Variants in BBOX1 observed in about 807,000 individuals in gnomAD.
BBOX1 encodes gamma-butyrobetaine dioxygenase.
A neutral mutation model predicts 41.6 loss-of-function variants in BBOX1; 35 were observed. The observed-to-expected ratio is 0.84, with a 90% CI of 0.64 to 1.11. BBOX1 has a LOEUF of 1.11. BBOX1 is among the 50% of genes most tolerant of loss of function. The pLI is 0.00. For synonymous variants in BBOX1, 163 were observed against 154.7 expected, an observed-to-expected ratio of 1.05 and a Z score of -0.40; for missense variants, 458 against 460.6, an observed-to-expected ratio of 0.99 and a Z score of 0.05.
intron 4 of BBOX1, among the ~76,000 whole-genome samples, chr11:27,069,285 G>A (rs1455529586): frequency 6.6e-6 from 1 of 152,106 alleles, no homozygotes; most frequent in Non-Finnish European, 1.5e-5. Context: ...TCCTTAGAGA[G>A]ATCTTTCATC....
chr11:27,093,134 T>A (rs748878688), intron 4 of BBOX1, 34 bp from the exon 5 acceptor site: 1 of 1,583,368 alleles, frequency 6.3e-7, no homozygotes, highest in Non-Finnish European at 8.7e-7. Flanking sequence ...AAGAATGTAA[T>A]CCCATCTGAT....
At chr11:27,103,753 CCTGT>C (rs765254783) in intron 5 of BBOX1, among the ~76,000 whole-genome samples, 13 of 151,512 alleles carry the variant, frequency 8.6e-5, no homozygotes, top group Non-Finnish European at 1.6e-4. Flanking sequence ...TTGGGGGTGG[CCTGT>C]CTTTCTGACA....
intron 6 of BBOX1, among the ~76,000 whole-genome samples, chr11:27,117,584 G>A (rs924613464): frequency 6.6e-6 from 1 of 151,920 alleles, no homozygotes; most frequent in South Asian, 2.1e-4. Flanking sequence ...GAGTTGGATG[G>A]AATAAGGCTT....
rs1239152424 is a variant in BBOX1 at position 27,125,961 on chromosome 11, C to T, written c.1003+141C>T. On this transcript the variant is annotated intron_variant, in intron 8 of 8. Transcript: ENST00000263182. ...AGAATCTTGGTGAGCAACTGACTTG[C>T]TTATGTAGTGGACTCGTGGCCCTCA... 1.8e-5 allele frequency: 15 copies of T among 838,056 alleles called. No homozygotes were observed. The East Asian group carries it at 3.4e-4, about 19-fold the overall frequency. 51.9% of individuals were successfully genotyped at this position (838,056 alleles called of 1,614,324 possible). A position where few individuals can be genotyped will look rare whatever the true frequency, so the allele number is the denominator to read the frequency against.
chr11:27,111,840 C>T (rs1859075783), intron 5 of BBOX1, among the ~76,000 whole-genome samples: 2 of 151,908 alleles, frequency 1.3e-5, no homozygotes, highest in African/African-American at 2.4e-5. Flanking sequence ...GGGGAAGTGG[C>T]TCCCTTTAAA....
intron 6 of BBOX1, among the ~76,000 whole-genome samples, chr11:27,115,778 C>A (rs1798269995): frequency 6.6e-6 from 1 of 151,870 alleles, no homozygotes; most frequent in African/African-American, 2.4e-5. Context: ...ACAACAACAA[C>A]AACAAAAACA....
intron 2 of BBOX1, chr11:27,055,183 A>G (rs1856940918): frequency 5.0e-6 from 2 of 398,326 alleles, no homozygotes; most frequent in Non-Finnish European, 9.0e-6. Context: ...CAGCACTTAC[A>G]TCCCATTTAC....
chr11:27,109,859 A>C (rs1260046571), intron 5 of BBOX1, among the ~76,000 whole-genome samples: 1 of 152,034 alleles, frequency 6.6e-6, no homozygotes, highest in African/African-American at 2.4e-5. Flanking sequence ...ACTTTCTAGG[A>C]AGCTAAAATA....
At chr11:27,072,750 C>T (rs552924169) in intron 4 of BBOX1, among the ~76,000 whole-genome samples, 1 of 152,068 alleles carries the variant, frequency 6.6e-6, no homozygotes, top group Non-Finnish European at 1.5e-5. Context: ...AGAACAGAGA[C>T]CTCAGAAATA....
At chr11:27,126,658 A>G (rs893061475) in intron 8 of BBOX1, among the ~76,000 whole-genome samples, 11 of 150,502 alleles carry the variant, frequency 7.3e-5, no homozygotes, top group Non-Finnish European at 1.5e-4. Flanking sequence ...TAAACTGAGA[A>G]GAAACATTTC....
At chr11:27,106,885 T>C (rs187253035) in intron 5 of BBOX1, among the ~76,000 whole-genome samples, 1 of 152,110 alleles carries the variant, frequency 6.6e-6, no homozygotes, top group Admixed American at 6.5e-5. Flanking sequence ...TATAACAAAC[T>C]GTCTCTCAGA....
intron 4 of BBOX1, among the ~76,000 whole-genome samples, chr11:27,075,443 T>G (rs1333062761): frequency 6.6e-6 from 1 of 152,188 alleles, no homozygotes; most frequent in Non-Finnish European, 1.5e-5. Flanking sequence ...CAGCTGTGGC[T>G]GAAGCAGATG....
chr11:27,069,258 G>A (rs769134168), intron 4 of BBOX1, among the ~76,000 whole-genome samples: 2 of 152,040 alleles, frequency 1.3e-5, no homozygotes, highest in Non-Finnish European at 2.9e-5. Context: ...ATTTCTTTCA[G>A]CAATGTTTTG....
intron 6 of BBOX1, among the ~76,000 whole-genome samples, chr11:27,118,587 G>T (rs1316862721): frequency 1.3e-5 from 2 of 151,870 alleles, no homozygotes; most frequent in Admixed American, 1.3e-4. Context: ...ACATTCAGAA[G>T]GAAAATATTT....
intron 4 of BBOX1, among the ~76,000 whole-genome samples, chr11:27,075,166 A>G (rs887113922): frequency 6.6e-6 from 1 of 151,912 alleles, no homozygotes; most frequent in Non-Finnish European, 1.5e-5. Context: ...GAAGGATGTG[A>G]CTTTAATGTT....
intron 5 of BBOX1, among the ~76,000 whole-genome samples, chr11:27,104,645 G>T (rs966965087): frequency 7.2e-5 from 11 of 152,004 alleles, no homozygotes; most frequent in Non-Finnish European, 1.6e-4. Flanking sequence ...TTGTGTTTGG[G>T]GTACTAATTT....
intron 6 of BBOX1, among the ~76,000 whole-genome samples, chr11:27,116,588 T>TTGGTTG (rs2134097641): frequency 1.3e-5 from 2 of 152,062 alleles, no homozygotes; most frequent in East Asian, 3.9e-4. Context: ...CTGTCTTCAG[T>TTGGTTG]CATATACCTG....
At chr11:27,104,125 T>C (rs924397239) in intron 5 of BBOX1, among the ~76,000 whole-genome samples, 1 of 152,200 alleles carries the variant, frequency 6.6e-6, no homozygotes, top group African/African-American at 2.4e-5. Context: ...GGTTTGTTTC[T>C]AGAATTCATG....
chr11:27,096,048 A>T (rs1010052310), intron 5 of BBOX1, among the ~76,000 whole-genome samples: 1 of 151,896 alleles, frequency 6.6e-6, no homozygotes, highest in Non-Finnish European at 1.5e-5. Flanking sequence ...GACTCTTCAA[A>T]ACTCTGCAGG....
Sources: allele counts gnomAD v4.1 joint callset (sites outside exome capture counted in the v4.1 genomes callset), GRCh38; gene constraint gnomAD v4.1.1; transcripts MANE v1.5; gene names NCBI Gene and HGNC (gene_info 2026-07-23, HGNC 2026-07-21).